SRP54: variants seen among roughly 807,000 people sequenced by gnomAD.
SRP54 encodes signal recognition particle 54.
A neutral mutation model predicts 64.8 loss-of-function variants in SRP54; 10 were observed. That is an observed-to-expected ratio of 0.15 (90% CI 0.10 to 0.26). SRP54 has a LOEUF of 0.26. Among genes scored for constraint, SRP54 ranks in the 10% least tolerant of loss-of-function variants. SRP54 has a pLI of 1.00. For missense variants in SRP54, 325 were observed against 613.7 expected (o/e 0.53, Z 4.97); for synonymous variants, 193 against 185.6 (o/e 1.04, Z -0.32).
intron 10 of SRP54, 91 bp from the exon 11 acceptor site, chr14:35,014,653 T>C: frequency 1.0e-6 from 1 of 994,584 alleles, no homozygotes; most frequent in Non-Finnish European, 1.5e-6. Flanking sequence ...TATTATAACC[T>C]CACAAGGTTA....
chr14:35,003,827 G>T (rs564478442), intron 4 of SRP54, among the ~76,000 whole-genome samples: 31 of 151,872 alleles, frequency 2.0e-4, no homozygotes, highest in African/African-American at 7.5e-4. Flanking sequence ...CGAGTTACTC[G>T]GGAGGGTAAG....
chr14:34,992,851 A>G (rs1243593587), intron 1 of SRP54, among the ~76,000 whole-genome samples: 1 of 139,572 alleles, frequency 7.2e-6, no homozygotes, highest in East Asian at 2.5e-4. Flanking sequence ...GTTAACTAGT[A>G]TGGCTTATTT....
chr14:34,995,179 G>A (rs2044051969), intron 1 of SRP54, among the ~76,000 whole-genome samples: 1 of 116,142 alleles, frequency 8.6e-6, no homozygotes, highest in Non-Finnish European at 2.1e-5. Flanking sequence ...GTGTGTGTGT[G>A]TGTGTGTGTA....
intron 13 of SRP54, among the ~76,000 whole-genome samples, chr14:35,019,612 T>C (rs1359903351): frequency 6.6e-6 from 1 of 152,248 alleles, no homozygotes; most frequent in Non-Finnish European, 1.5e-5. Flanking sequence ...TAAGCAATGC[T>C]TAGAAAATTC....
intron 1 of SRP54, among the ~76,000 whole-genome samples, chr14:34,994,782 G>A (rs1196482414): frequency 6.6e-6 from 1 of 151,650 alleles, no homozygotes; most frequent in African/African-American, 2.4e-5. Flanking sequence ...TTCCTTTTCT[G>A]TTTTCTTTTT....
chr14:35,023,747 G>A (rs2044573092), intron 14 of SRP54, among the ~76,000 whole-genome samples: 1 of 150,626 alleles, frequency 6.6e-6, no homozygotes, highest in African/African-American at 2.4e-5. Context: ...TTGTACCACT[G>A]TACTCCAGCC....
rs746091414 is a variant in SRP54 at position 35,023,007 on chromosome 14, A to G, written c.1254A>G (p.Gln418=). The change falls in exon 14 of 16, where the codon CAA becomes CAG. Residue 418 remains glutamine, a synonymous_variant. Coordinates refer to ENST00000216774, the MANE Select transcript of SRP54 (RefSeq NM_003136.4). ...RGSGVSTRDV[Q]ELLTQYTKFA... ...CGGGTGTATCAACAAGAGATGTTCA[A>G]GAACTTTTGACACAATATACCAAGT... 6.2e-7 allele frequency: 1 copy of G among 1,614,052 alleles called. No individual in the cohort carries two copies. Among genetic ancestry groups the G allele is most frequent in the South Asian group, 1.1e-5 (1 of 91,082 alleles).
chr14:34,984,125 A>T (rs919140650), intron 1 of SRP54, among the ~76,000 whole-genome samples: 13 of 152,156 alleles, frequency 8.5e-5, no homozygotes, highest in African/African-American at 3.1e-4. Flanking sequence ...CAGTTTTTTG[A>T]TATGGCCAAC....
chr14:35,000,470 G>A (rs1434807344), intron 3 of SRP54, among the ~76,000 whole-genome samples: 1 of 151,886 alleles, frequency 6.6e-6, no homozygotes, highest in Admixed American at 6.6e-5. Flanking sequence ...AGGAGGCTGA[G>A]GCAGGAGAAT....
chr14:35,001,313 G>T (rs796416875), intron 4 of SRP54, among the ~76,000 whole-genome samples: 1 of 151,444 alleles, frequency 6.6e-6, no homozygotes, highest in African/African-American at 2.4e-5. Flanking sequence ...CACCATGCCC[G>T]GCTAATTCTG....
intron 14 of SRP54, 55 bp from the exon 15 acceptor site, chr14:35,028,033 T>C: frequency 8.5e-7 from 1 of 1,180,930 alleles, no homozygotes; most frequent in South Asian, 1.4e-5. Flanking sequence ...ACCCTGATTA[T>C]ACTGATTATA....
chr14:34,994,684 C>T (rs1437176990), intron 1 of SRP54, among the ~76,000 whole-genome samples: 1 of 152,164 alleles, frequency 6.6e-6, no homozygotes, highest in African/African-American at 2.4e-5. Context: ...GTCTTCTCCA[C>T]TTACTCAAAT....
At chr14:34,986,181 A>G (rs2043892669) in intron 1 of SRP54, among the ~76,000 whole-genome samples, 1 of 152,144 alleles carries the variant, frequency 6.6e-6, no homozygotes, top group South Asian at 2.1e-4. Context: ...TGGTGCTGTG[A>G]TATTATTTTA....
intron 1 of SRP54, among the ~76,000 whole-genome samples, chr14:34,985,137 C>G (rs1158618352): frequency 2.6e-5 from 4 of 152,166 alleles, no homozygotes; most frequent in Non-Finnish European, 5.9e-5. Context: ...TCGAGACCAG[C>G]TTGGGTAACA....
intron 7 of SRP54, among the ~76,000 whole-genome samples, chr14:35,011,083 T>A (rs2044349961): frequency 6.6e-6 from 1 of 152,004 alleles, no homozygotes; most frequent in Non-Finnish European, 1.5e-5. Context: ...TATTCCACTA[T>A]GCCAGCTAGT....
intron 7 of SRP54, among the ~76,000 whole-genome samples, chr14:35,009,545 G>T (rs2139000758): frequency 6.6e-6 from 1 of 152,160 alleles, no homozygotes; most frequent in East Asian, 1.9e-4. Context: ...TTGTATTGGG[G>T]ATTGTGAAAA....
At chr14:34,990,275 A>T (rs7153068) in intron 1 of SRP54, among the ~76,000 whole-genome samples, 30,039 of 152,136 alleles carry the variant, frequency 0.2, 3,216 homozygotes, top group East Asian at 0.38. Flanking sequence ...ACATCTTTAA[A>T]TATGATTAAA....
chr14:34,992,363 A>G (rs944325619), intron 1 of SRP54, among the ~76,000 whole-genome samples: 61 of 152,194 alleles, frequency 4.0e-4, no homozygotes, highest in African/African-American at 1.5e-3. Context: ...GGAAAAGTAT[A>G]TTGGAAAACC....
In SRP54 at chr14:35,002,806, C is replaced by T. The variant is rs2044197795; in HGVS notation, c.255+1786C>T. Among the ~76,000 whole-genome samples the T allele has an allele frequency of 2.2e-5, 3 of 135,456 alleles. No individual in the cohort carries two copies. The Admixed American group carries it at 2.5e-4, about 11-fold the overall frequency. 88.9% of individuals were successfully genotyped at this position (135,456 alleles called of 152,430 possible). ...TTACCCAGGCTGGAGTGTAGTGGTG[C>T]AATCATGGCTCACTGTAGCCTCAAC... On this transcript the variant is annotated intron_variant, in intron 4 of 15. Transcript: ENST00000216774.
Sources: allele counts gnomAD v4.1 joint callset (sites outside exome capture counted in the v4.1 genomes callset), GRCh38; gene constraint gnomAD v4.1.1; transcripts MANE v1.5; gene names NCBI Gene and HGNC (gene_info 2026-07-23, HGNC 2026-07-21).